PRKG1: variants seen among roughly 807,000 people sequenced by gnomAD.
The protein encoded by PRKG1 is cGMP-dependent protein kinase 1.
In PRKG1, 35 loss-of-function variants were observed where a neutral mutation model predicts 88.1. The ratio of observed to expected loss-of-function variants is 0.40; its 90% confidence interval spans 0.30 to 0.53. PRKG1 has a LOEUF of 0.53. PRKG1 is among the 20% of genes least tolerant of loss of function. The pLI is 0.59. For synonymous variants in PRKG1, 303 were observed against 292.5 expected, an observed-to-expected ratio of 1.04 and a Z score of -0.37; for missense variants, 540 against 839.8, an observed-to-expected ratio of 0.64 and a Z score of 4.41.
At chr10:51,097,629 G>A (rs1222450369) in intron 1 of PRKG1, among the ~76,000 whole-genome samples, 1 of 152,052 alleles carries the variant, frequency 6.6e-6, no homozygotes, top group African/African-American at 2.4e-5. Flanking sequence ...CCTTTCCGTA[G>A]GGTTTTTCTC....
intron 9 of PRKG1, among the ~76,000 whole-genome samples, chr10:52,200,029 T>C (rs1335071773): frequency 1.3e-5 from 2 of 152,198 alleles, no homozygotes; most frequent in African/African-American, 4.8e-5. Flanking sequence ...TCATTATTAT[T>C]ATCCTCATTT....
At chr10:52,262,977 G>C (rs563144039) in intron 10 of PRKG1, among the ~76,000 whole-genome samples, 1 of 151,976 alleles carries the variant, frequency 6.6e-6, no homozygotes, top group Admixed American at 6.6e-5. Flanking sequence ...TTCAATCCTT[G>C]GTTGTTTGAA....
chr10:51,039,024 T>A (rs1041512968), intron 1 of PRKG1, among the ~76,000 whole-genome samples: 2 of 152,224 alleles, frequency 1.3e-5, no homozygotes, highest in African/African-American at 4.8e-5. Context: ...AGCTGGCAAT[T>A]TACTAATGAA....
intron 2 of PRKG1, among the ~76,000 whole-genome samples, chr10:51,327,372 G>A (rs539085479): frequency 2.0e-5 from 3 of 147,652 alleles, no homozygotes; most frequent in South Asian, 2.1e-4. Context: ...AGCCAGGATC[G>A]CACCACTGTA....
At chr10:51,479,279 A>G (rs1840289247) in intron 3 of PRKG1, among the ~76,000 whole-genome samples, 2 of 152,084 alleles carry the variant, frequency 1.3e-5, no homozygotes, top group African/African-American at 4.8e-5. Context: ...TAAAATACAT[A>G]CATGTAAAGA....
In PRKG1 at chr10:52,295,923, C is replaced by A. The variant is rs536115103; in HGVS notation, c.*2023C>A. On this transcript the variant is annotated 3_prime_UTR_variant, in exon 18 of 18. Transcript: ENST00000373980. ...AGTTTTCCGTCCCTTACAATTTCTCCAAATTGGTCTATTCCCCAAGATATC... is the reference window on the plus strand; with the variant it reads ...AGTTTTCCGTCCCTTACAATTTCTCAAAATTGGTCTATTCCCCAAGATATC... 10 of 151,836 alleles carry A rather than the reference C, an allele frequency of 6.6e-5. No individual in the cohort carries two copies. Among genetic ancestry groups the A allele is most frequent in the Non-Finnish European group, 1.5e-4 (10 of 67,860 alleles). The allele number at this position is 151,836 out of a possible 1,614,324, so 9.4% of individuals were successfully genotyped here.
chr10:51,689,563 C>A (rs533055270), intron 3 of PRKG1, among the ~76,000 whole-genome samples: 1 of 152,232 alleles, frequency 6.6e-6, no homozygotes, highest in African/African-American at 2.4e-5. Context: ...TAATCCCATA[C>A]AATGTGTAAG....
chr10:52,218,174 G>C (rs1840158029), intron 9 of PRKG1, among the ~76,000 whole-genome samples: 1 of 146,538 alleles, frequency 6.8e-6, no homozygotes, highest in South Asian at 2.2e-4. Context: ...ATCACCCACT[G>C]CACGCTAGCC....
At chr10:51,089,261 T>C (rs1188641973) in intron 1 of PRKG1, among the ~76,000 whole-genome samples, 2 of 152,198 alleles carry the variant, frequency 1.3e-5, no homozygotes, top group Non-Finnish European at 2.9e-5. Context: ...AAAAATAAGA[T>C]AGACTGATTG....
intron 1 of PRKG1, among the ~76,000 whole-genome samples, chr10:51,035,545 G>A (rs2132751400): frequency 6.6e-6 from 1 of 152,252 alleles, no homozygotes; most frequent in East Asian, 1.9e-4. Context: ...CTGCATGCCT[G>A]CATTCCAGTG....
intron 3 of PRKG1, among the ~76,000 whole-genome samples, chr10:51,770,137 A>G (rs2132543619): frequency 6.6e-6 from 1 of 152,330 alleles, no homozygotes; most frequent in South Asian, 2.1e-4. Context: ...TTCAAGAGAT[A>G]TTATGCGTCC....
In PRKG1 at chr10:51,541,242, G is replaced by A. The variant is rs187077294; in HGVS notation, c.592+73406G>A. 2.7e-3 allele frequency among the ~76,000 whole-genome samples: 412 copies of A among 152,194 alleles called. 1 individual carries two copies. The highest frequency in any genetic ancestry group is 9.5e-3 in the African/African-American group (393 of 41,530). On this transcript the variant is annotated intron_variant, in intron 3 of 17. Coordinates refer to ENST00000373980, the MANE Select transcript of PRKG1 (RefSeq NM_006258.4). ...ACATGCACAGTTCACAACAGGGTTC[G>A]CGCTCCTATAAGAATCCCATGCCAC... is the stretch of plus-strand genomic sequence containing the variant.
At chr10:52,131,377 A>AG (rs1380724264) in intron 7 of PRKG1, among the ~76,000 whole-genome samples, 5 of 152,142 alleles carry the variant, frequency 3.3e-5, no homozygotes, top group African/African-American at 1.2e-4. Context: ...CTACGAGAAC[A>AG]GATGCATAGG....
intron 5 of PRKG1, among the ~76,000 whole-genome samples, chr10:52,035,871 G>A (rs570132638): frequency 3.9e-4 from 59 of 152,162 alleles, no homozygotes; most frequent in African/African-American, 1.1e-3. Context: ...TGAGGGCTAG[G>A]CTAAAACAGT....
intron 2 of PRKG1, among the ~76,000 whole-genome samples, chr10:51,218,425 C>T (rs1399899560): frequency 6.8e-6 from 1 of 147,470 alleles, no homozygotes; most frequent in Admixed American, 6.8e-5. Flanking sequence ...ATCGGTTTTT[C>T]CCACAGAAAG....
At chr10:52,070,438 T>C (rs2133284544) in intron 7 of PRKG1, among the ~76,000 whole-genome samples, 1 of 152,334 alleles carries the variant, frequency 6.6e-6, no homozygotes, top group Middle Eastern at 3.4e-3. Context: ...CATTATGCAT[T>C]TTTGCTATAA....
chr10:51,444,078 T>C lies in PRKG1; in HGVS notation c.479-23645T>C, dbSNP rs150717645. ...TGCTTTCTTACATAAAGAACCATGA[T>C]CAGAGGAGGAAAAAAGAGAGTACAG... On this transcript the variant is annotated intron_variant, in intron 2 of 17. Coordinates refer to ENST00000373980, the MANE Select transcript of PRKG1 (RefSeq NM_006258.4). Among the ~76,000 whole-genome samples, 23 of 150,960 alleles carry C rather than the reference T, an allele frequency of 1.5e-4. No individual in the cohort carries two copies. In the East Asian group the frequency reaches 3.7e-3, roughly 24 times the overall value.
At chr10:51,107,447 T>C (rs1358281234) in intron 1 of PRKG1, among the ~76,000 whole-genome samples, 2 of 151,892 alleles carry the variant, frequency 1.3e-5, no homozygotes, top group Non-Finnish European at 2.9e-5. Flanking sequence ...AGAAAGGAAG[T>C]AATAAAGATC....
At chr10:52,021,202 G>A (rs1277232382) in intron 5 of PRKG1, among the ~76,000 whole-genome samples, 1 of 152,332 alleles carries the variant, frequency 6.6e-6, no homozygotes, top group East Asian at 1.9e-4. Flanking sequence ...AGTGTTACTA[G>A]AGCAGAGGTT....
Sources: gnomAD v4.1 joint callset for allele counts (sites outside exome capture counted in the v4.1 genomes callset) on GRCh38, gnomAD v4.1.1 for gene constraint, MANE v1.5 for transcripts, NCBI Gene and HGNC (gene_info 2026-07-23, HGNC 2026-07-21) for gene names.